ROGDI: variants seen among roughly 807,000 people sequenced by gnomAD.
The protein encoded by ROGDI is rogdi atypical leucine zipper.
ROGDI carries 46 observed loss-of-function variants against 43.1 expected under a neutral mutation model. The ratio of observed to expected loss-of-function variants is 1.07; its 90% CI spans 0.84 to 1.37. The LOEUF is 1.37. Among genes scored for constraint, ROGDI ranks in the 40% most tolerant of loss-of-function variants. The pLI, the probability that ROGDI is intolerant of heterozygous loss-of-function variation, is 0.00. For missense variants in ROGDI, 518 were observed against 383.9 expected, an observed-to-expected ratio of 1.35 and a Z score of -2.92; for synonymous variants, 243 against 162.0, an observed-to-expected ratio of 1.50 and a Z score of -3.80.
Position 4,800,837 on chromosome 16 carries a change from C to T in ROGDI, c.256-259G>A, listed in dbSNP as rs2082706182. On this transcript the variant is annotated intron_variant, in intron 4 of 10. Coordinates refer to ENST00000322048, the MANE Select transcript of ROGDI (RefSeq NM_024589.3). The stretch of plus-strand genomic sequence containing the variant: ...GAAAGGGGAAGGGGAAGAGGAAAGG[C>T]AGCCTCTGTGAGGCTCTGTGCGAAC... 7.1e-6 allele frequency: 4 copies of T among 562,032 alleles called. No homozygotes were observed. The East Asian group carries it at 1.2e-4, about 17-fold the overall frequency. 34.8% of individuals were successfully genotyped at this position (562,032 alleles called of 1,614,324 possible). A position where few individuals can be genotyped will look rare whatever the true frequency, so the allele number is the denominator to read the frequency against.
At position 4,802,543 on chromosome 16, in the gene ROGDI, G is replaced by C. The variant is rs1324617654; in HGVS notation, c.29C>G (p.Ala10Gly). Residue 10 changes from alanine (A) to glycine (G), a missense_variant, in exon 1 of 11, where the codon GCG becomes GGG. By Grantham distance (60) the Ala-to-Gly change is moderately conservative. Transcript: ENST00000322048. MATVMAATAAERAVLEEEFR... is the reference protein window; with the variant it reads MATVMAATAGERAVLEEEFR... ...GCGCCTTACCAGCACCGCCCGCTCC[G>C]CCGCCGTCGCTGCCATCACGGTGGC... 3.1e-6 allele frequency: 4 copies of C among 1,278,502 alleles called. No homozygotes were observed. Among genetic ancestry groups the C allele is most frequent in the Non-Finnish European group, 4.0e-6 (4 of 1,006,354 alleles). The allele number at this position is 1,278,502 out of a possible 1,614,324, so 79.2% of individuals were successfully genotyped here.
At chr16:4,800,726 G>A (rs2082704895) in intron 4 of ROGDI, 148 bp from the exon 5 acceptor site, 2 of 631,102 alleles carry the variant, frequency 3.2e-6, no homozygotes, top group African/African-American at 3.7e-5. Context: ...CAATGCCTTG[G>A]CCGTTTGGGG....
intron 5 of ROGDI, 58 bp from the exon 6 acceptor site, chr16:4,799,839 G>A (rs2082695807): frequency 9.5e-6 from 12 of 1,264,410 alleles, no homozygotes; most frequent in Admixed American, 5.6e-5. Flanking sequence ...CAGGAGGGGA[G>A]AGTGGGTGCT....
rs145700776 is a variant in ROGDI at position 4,801,601 on chromosome 16, AAGGAGGGG to A, written c.118-24_118-17del. The A allele has an allele frequency of 2.6e-4, 407 of 1,583,274 alleles. No homozygotes were observed. The African/African-American group carries it at 4.8e-3, about 19-fold the overall frequency. On this transcript the variant is annotated splice_polypyrimidine_tract_variant and intron_variant, in intron 2 of 10. Coordinates refer to ENST00000322048, the MANE Select transcript of ROGDI (RefSeq NM_024589.3). ...GAGAGGCCTCCTGTGGAACAGAGGG[AAGGAGGGG>A]AGCTGGTAGCGCCCACTCAGGCCCG... is the stretch of plus-strand genomic sequence containing the variant.
At position 4,798,064 on chromosome 16, in the gene ROGDI, T is replaced by C. The variant is rs751136751; in HGVS notation, c.645+7A>G. ...GGGCAGTGGGCCGGGCAGGGGTCCC[T>C]CCTCACCTTGGTGGAGTTGGGCTGC... On this transcript the variant is annotated splice_region_variant and intron_variant, in intron 8 of 10. Transcript: ENST00000322048. 4 of 1,613,532 alleles carry C rather than the reference T, an allele frequency of 2.5e-6. No homozygotes were observed.
chr16:4,799,669 G>T lies in ROGDI; in HGVS notation c.432+17C>A, dbSNP rs377687764. The T allele has an allele frequency of 3.1e-6, 5 of 1,596,340 alleles. No individual in the cohort carries two copies. The highest frequency in any genetic ancestry group is 4.3e-6 in the Non-Finnish European group (5 of 1,165,878). ...ACGTGGGACTAGGCCCAGGAGTCAG[G>T]CCCGGGGGCAGCTCACCTTGAGGAC... On this transcript the variant is annotated intron_variant, in intron 6 of 10. Transcript: ENST00000322048.
chr16:4,800,397 C>T, intron 5 of ROGDI, 101 bp downstream of exon 5: 1 of 935,024 alleles, frequency 1.1e-6, no homozygotes, highest in Non-Finnish European at 1.6e-6. Flanking sequence ...CTTGCTGTGG[C>T]CACAGATCCC....
At chr16:4,801,102 C>T (rs144754581) in intron 4 of ROGDI, 165 bp downstream of exon 4, 11,786 of 579,174 alleles carry the variant, frequency 0.02, 205 homozygotes, top group South Asian at 0.044. Context: ...CACACCGATC[C>T]CGGGAGAAGG....
chr16:4,799,763 G>T lies in ROGDI; in HGVS notation c.355C>A (p.His119Asn). 1 of 1,613,532 alleles carries T rather than the reference G, an allele frequency of 6.2e-7. No individual in the cohort carries two copies. Among genetic ancestry groups the T allele is most frequent in the Non-Finnish European group, 8.5e-7 (1 of 1,179,624 alleles). ...AGCAGGTAAATGGCTTGGCTCACATGGTTTCTGGCATCCTGGATCTGGAAG... is the reference window on the plus strand; with the variant it reads ...AGCAGGTAAATGGCTTGGCTCACATTGTTTCTGGCATCCTGGATCTGGAAG... ...KLQQIQDARNHVSQAIYLLTS... is the reference protein window; with the variant it reads ...KLQQIQDARNNVSQAIYLLTS... Residue 119 changes from histidine (H) to asparagine (N), a missense_variant, in exon 6 of 11, where the codon CAT becomes AAT. Coordinates refer to ENST00000322048, the MANE Select transcript of ROGDI (RefSeq NM_024589.3).
rs1448325059 is a variant in ROGDI, at chr16:4,797,086, G to T, written c.*374C>A. ...CTGTGGCGTTCCTCACCATCCCCGGGACTCATAGCTCAGTGCCACCCCCCG... is the reference window on the plus strand; with the variant it reads ...CTGTGGCGTTCCTCACCATCCCCGGTACTCATAGCTCAGTGCCACCCCCCG... On this transcript the variant is annotated 3_prime_UTR_variant, in exon 11 of 11. Coordinates refer to ENST00000322048, the MANE Select transcript of ROGDI (RefSeq NM_024589.3). The T allele has an allele frequency of 2.0e-5, 5 of 249,252 alleles. No individual in the cohort carries two copies. The Admixed American group carries it at 2.5e-4, about 13-fold the overall frequency. 15.4% of individuals were successfully genotyped at this position (249,252 alleles called of 1,614,324 possible). A position where few individuals can be genotyped will look rare whatever the true frequency, so the allele number is the denominator to read the frequency against.
At chr16:4,802,278 G>T in intron 2 of ROGDI, 104 bp downstream of exon 2, 1 of 1,084,540 alleles carries the variant, frequency 9.2e-7, no homozygotes, top group South Asian at 1.4e-5. Context: ...CGCGGCAGCC[G>T]CACACTGTAG....
Position 4,799,692 on chromosome 16 carries a change from G to A in ROGDI, c.426C>T (p.Val142=). The A allele has an allele frequency of 6.2e-7, 1 of 1,612,382 alleles. No homozygotes were observed. Among genetic ancestry groups the A allele is most frequent in the Non-Finnish European group, 8.5e-7 (1 of 1,178,876 alleles). ...AGGCCCGGGGGCAGCTCACCTTGAGGACCTCAGCGCCCGTCTTGAACTGGT... is the reference window on the plus strand; with the variant it reads ...AGGCCCGGGGGCAGCTCACCTTGAGAACCTCAGCGCCCGTCTTGAACTGGT... ...QSYQFKTGAE[V]LKLMDAVMLQ... The change falls in exon 6 of 11, where the codon GTC becomes GTT. Residue 142 remains valine, a synonymous_variant. Coordinates refer to ENST00000322048, the MANE Select transcript of ROGDI (RefSeq NM_024589.3).
At chr16:4,801,211 G>C in intron 4 of ROGDI, 56 bp downstream of exon 4, 1 of 1,420,056 alleles carries the variant, frequency 7.0e-7, no homozygotes, top group Middle Eastern at 1.8e-4. Flanking sequence ...GAAAGTGGGA[G>C]CTCCCATGCT....
rs1230742168 is a variant in ROGDI at position 4,800,509 on chromosome 16, T to C, written c.325A>G (p.Lys109Glu). Residue 109 changes from lysine to glutamate, a missense_variant, in exon 5 of 11, where the codon AAG (lysine) becomes GAG (glutamate). Physicochemically the swap from Lys to Glu is moderately conservative, Grantham distance 56. Coordinates refer to ENST00000322048, the MANE Select transcript of ROGDI (RefSeq NM_024589.3). ...AGGGGCGGGGTCACCTGCTGCAGCT[T>C]CCACTGCTTGTCCTCCCGGAAGGCG... ...HFAFREDKQW[K>E]LQQIQDARNH... 5.8e-6 allele frequency: 9 copies of C among 1,556,902 alleles called. No individual in the cohort carries two copies. The South Asian group carries it at 9.5e-5, about 16-fold the overall frequency.
rs2082683255 is a variant in ROGDI at position 4,798,649 on chromosome 16, G to T, written c.451C>A (p.Leu151Met). 1 of 1,570,018 alleles carries T rather than the reference G, an allele frequency of 6.4e-7. No homozygotes were observed. The highest frequency in any genetic ancestry group is 8.6e-7 in the Non-Finnish European group (1 of 1,161,018). ...CGGTTTCGGGCTCTGGTCAGCTGCAGCATCACTGCGTCCATCAGCTGCAGG... is the reference window on the plus strand; with the variant it reads ...CGGTTTCGGGCTCTGGTCAGCTGCATCATCACTGCGTCCATCAGCTGCAGG... Reference protein sequence around the residue: ...EVLKLMDAVMLQLTRARNRLT... With the variant: ...EVLKLMDAVMMQLTRARNRLT... The change falls in exon 7 of 11, where the codon CTG (leucine) becomes ATG (methionine). Residue 151 changes from leucine (L) to methionine (M), a missense_variant. By Grantham distance (15) the Leu-to-Met change is conservative. Coordinates refer to ENST00000322048, the MANE Select transcript of ROGDI (RefSeq NM_024589.3).
chr16:4,800,461 C>T (rs1207982076), intron 5 of ROGDI, 37 bp downstream of exon 5: 2 of 1,524,672 alleles, frequency 1.3e-6, no homozygotes, highest in Non-Finnish European at 8.9e-7. Context: ...GCCGCCTGTC[C>T]TTGTGGCTGA....
rs533894158 is a variant in ROGDI, at chr16:4,799,617, G to A, written c.432+69C>T. Reference sequence around the variant, plus strand: ...GCTCAACGTGGAGGCCCTGGGATTGGAACCCAGGTGTGATTCCGGATCAAG... The same window carrying A: ...GCTCAACGTGGAGGCCCTGGGATTGAAACCCAGGTGTGATTCCGGATCAAG... On this transcript the variant is annotated intron_variant, in intron 6 of 10. Transcript: ENST00000322048. 5.2e-4 allele frequency: 629 copies of A among 1,208,382 alleles called. 5 individuals carry two copies. Among genetic ancestry groups the A allele is most frequent in the African/African-American group, 1.4e-4 (9 of 66,428 alleles). The allele number at this position is 1,208,382 out of a possible 1,614,324, so 74.9% of individuals were successfully genotyped here.
Position 4,797,359 on chromosome 16 carries a change from A to T in ROGDI, c.*101T>A, listed in dbSNP as rs1178579350. On this transcript the variant is annotated 3_prime_UTR_variant, in exon 11 of 11. Transcript: ENST00000322048. ...AGGTGGGGTAGGGGGTGGGATAGGGAGATAAATAGCAGCCTGGCGTTGGCA... is the reference window on the plus strand; with the variant it reads ...AGGTGGGGTAGGGGGTGGGATAGGGTGATAAATAGCAGCCTGGCGTTGGCA... The T allele has an allele frequency of 9.7e-7, 1 of 1,033,024 alleles. No individual in the cohort carries two copies. The highest frequency in any genetic ancestry group is 1.6e-5 in the African/African-American group (1 of 63,072). The allele number at this position is 1,033,024 out of a possible 1,614,324, so 64.0% of individuals were successfully genotyped here. A position where few individuals can be genotyped will look rare whatever the true frequency, so the allele number is the denominator to read the frequency against.
Position 4,802,581 on chromosome 16 carries a change from C to A in ROGDI, c.-10G>T. Reference sequence around the variant, plus strand: ...CCATCACGGTGGCCATGGCCGCAGGCCGCCGCCGAGCGCCCTCCCCACCGG... The same window carrying A: ...CCATCACGGTGGCCATGGCCGCAGGACGCCGCCGAGCGCCCTCCCCACCGG... On this transcript the variant is annotated 5_prime_UTR_variant, in exon 1 of 11. Coordinates refer to ENST00000322048, the MANE Select transcript of ROGDI (RefSeq NM_024589.3). 1 of 1,311,440 alleles carries A rather than the reference C, an allele frequency of 7.6e-7. No individual in the cohort carries two copies. Among genetic ancestry groups the A allele is most frequent in the Non-Finnish European group, 9.8e-7 (1 of 1,022,718 alleles). The allele number at this position is 1,311,440 out of a possible 1,614,324, so 81.2% of individuals were successfully genotyped here.
Sources: gnomAD v4.1 joint callset for allele counts on GRCh38, gnomAD v4.1.1 for gene constraint, MANE v1.5 for transcripts, NCBI Gene and HGNC (gene_info 2026-07-23, HGNC 2026-07-21) for gene names.